Variants in LEPROTL1 observed in about 807,000 individuals in gnomAD.
LEPROTL1 encodes leptin receptor overlapping transcript-like 1.
Under a neutral mutation model 15.4 loss-of-function variants are expected in LEPROTL1, and 6 were observed. That is an observed-to-expected ratio of 0.39 (90% confidence interval 0.21 to 0.77). LEPROTL1 has a LOEUF of 0.77. Among genes scored for constraint, LEPROTL1 ranks in the 30% least tolerant of loss-of-function variants. LEPROTL1 has a pLI of 0.41. For missense variants in LEPROTL1, 128 were observed against 158.1 expected, an observed-to-expected ratio of 0.81 and a Z score of 1.02; for synonymous variants, 56 against 52.6, an observed-to-expected ratio of 1.06 and a Z score of -0.28.
chr8:30,131,296 A>ATGTG (rs1554485368), intron 3 of LEPROTL1, among the ~76,000 whole-genome samples: 35,996 of 123,454 alleles, frequency 0.29, 5,213 homozygotes, highest in East Asian at 0.52. Flanking sequence ...ATATATATAT[A>ATGTG]TGTGTGTGTG....
rs1689130844 is a variant in LEPROTL1 at position 30,104,389 on chromosome 8, C to G, written c.182C>G (p.Ala61Gly). 2 of 1,612,318 alleles carry G rather than the reference C, an allele frequency of 1.2e-6. No individual in the cohort carries two copies. Among genetic ancestry groups the G allele is most frequent in the African/African-American group, 1.3e-5 (1 of 74,884 alleles). ...AGAAGATTAGTGGATGATACAGATG[C>G]TATGAGTAACGCTTGTAAGGAACTT... ...IARRLVDDTD[A>G]MSNACKELAI... The change falls in exon 3 of 4, where the codon GCT becomes GGT. Residue 61 changes from alanine (A) to glycine (G), a missense_variant. Coordinates refer to ENST00000321250, the MANE Select transcript of LEPROTL1 (RefSeq NM_015344.3).
intron 3 of LEPROTL1, among the ~76,000 whole-genome samples, chr8:30,130,931 C>G (rs1055957866): frequency 2.0e-5 from 3 of 151,804 alleles, no homozygotes; most frequent in Non-Finnish European, 4.4e-5. Context: ...AGGCGCCCAC[C>G]ACCACGCCCG....
At position 30,107,954 on chromosome 8, in the gene LEPROTL1, G is replaced by A. The variant is rs148233838; in HGVS notation, c.*2092G>A. ...GACATAGTGCTGTCTCTGATTTCTA[G>A]GCTAGTTACTTGAGATATGAATTTT... On this transcript the variant is annotated 3_prime_UTR_variant, in exon 4 of 4. Coordinates refer to ENST00000321250, the MANE Select transcript of LEPROTL1 (RefSeq NM_015344.3). The A allele has an allele frequency of 7.1e-6, 7 of 984,898 alleles. No individual in the cohort carries two copies. The highest frequency in any genetic ancestry group is 8.4e-6 in the Non-Finnish European group (7 of 829,502). The allele number at this position is 984,898 out of a possible 1,614,324, so 61.0% of individuals were successfully genotyped here.
At chr8:30,132,762 C>G (rs150467698) in intron 4 of LEPROTL1, 5 of 1,551,630 alleles carry the variant, frequency 3.2e-6, no homozygotes, top group African/African-American at 1.4e-5. Context: ...TGAAATAGGG[C>G]AGTGCCTTAC....
At chr8:30,120,660 AG>A in intron 3 of LEPROTL1, among the ~76,000 whole-genome samples, 1 of 152,034 alleles carries the variant, frequency 6.6e-6, no homozygotes, top group African/African-American at 2.4e-5. Context: ...CCTCCCATGT[AG>A]CTGGGACTAC....
downstream of LEPROTL1, among the ~76,000 whole-genome samples, chr8:30,112,708 G>C (rs1263387925): frequency 6.6e-6 from 1 of 151,696 alleles, no homozygotes; most frequent in Non-Finnish European, 1.5e-5. Context: ...TATTTAACCC[G>C]TGTCCCATTT....
downstream of LEPROTL1, among the ~76,000 whole-genome samples, chr8:30,112,401 ATTTTTTTTT>A (rs10684450): frequency 2.5e-4 from 7 of 27,890 alleles, 1 homozygote; most frequent in Non-Finnish European, 4.1e-4. Context: ...TGCCCAGCTA[ATTTTTTTTT>A]TTTTTTTTTT....
chr8:30,095,818 G>A (rs183358734), intron 1 of LEPROTL1: 2 of 701,592 alleles, frequency 2.9e-6, no homozygotes, highest in Admixed American at 4.0e-5. Context: ...AGTGGTTGGC[G>A]GTCAGTGAGG....
At position 30,107,321 on chromosome 8, in the gene LEPROTL1, G is replaced by A. The variant is rs1485219691; in HGVS notation, c.*1459G>A. On this transcript the variant is annotated 3_prime_UTR_variant, in exon 4 of 4. Coordinates refer to ENST00000321250, the MANE Select transcript of LEPROTL1 (RefSeq NM_015344.3). ...CTAATAATTATCAGGACTTTTTTCAGGAGTGGGTTATAAAAACATTCAAGT... is the reference window on the plus strand; with the variant it reads ...CTAATAATTATCAGGACTTTTTTCAAGAGTGGGTTATAAAAACATTCAAGT... The A allele has an allele frequency of 1.0e-6, 1 of 985,564 alleles. No individual in the cohort carries two copies. The highest frequency in any genetic ancestry group is 1.2e-6 in the Non-Finnish European group (1 of 829,840). 61.1% of individuals were successfully genotyped at this position (985,564 alleles called of 1,614,324 possible).
chr8:30,129,702 G>A (rs1483209679), intron 3 of LEPROTL1, among the ~76,000 whole-genome samples: 1 of 144,628 alleles, frequency 6.9e-6, no homozygotes, highest in Non-Finnish European at 1.5e-5. Flanking sequence ...GTGACAGAGT[G>A]AGACCCTGTC....
In LEPROTL1 at chr8:30,095,458, T is replaced by C; in HGVS notation, c.-55T>C. 1 of 1,461,324 alleles carries C rather than the reference T, an allele frequency of 6.8e-7. No homozygotes were observed. Among genetic ancestry groups the C allele is most frequent in the Non-Finnish European group, 9.0e-7 (1 of 1,110,392 alleles). 90.5% of individuals were successfully genotyped at this position (1,461,324 alleles called of 1,614,324 possible). Reference sequence around the variant, plus strand: ...CGTAGCGCGTCTTGGGTCTCCCGGCTGCCGCTGCTGCCGCCGCCGCCTCGG... The same window carrying C: ...CGTAGCGCGTCTTGGGTCTCCCGGCCGCCGCTGCTGCCGCCGCCGCCTCGG... On this transcript the variant is annotated 5_prime_UTR_variant, in exon 1 of 4. Transcript: ENST00000321250.
chr8:30,100,849 C>CTGTGTGTGTG (rs113757454), intron 1 of LEPROTL1, among the ~76,000 whole-genome samples: 9 of 150,852 alleles, frequency 6.0e-5, no homozygotes, highest in Admixed American at 3.3e-4. Flanking sequence ...AAATGTACTG[C>CTGTGTGTGTG]TGTGTGTGTG....
intron 3 of LEPROTL1, among the ~76,000 whole-genome samples, chr8:30,129,664 C>T (rs929696783): frequency 6.6e-6 from 1 of 150,750 alleles, no homozygotes. Flanking sequence ...GAGATCACAC[C>T]ACTGCACACC....
chr8:30,128,821 C>T (rs918493126), intron 3 of LEPROTL1, among the ~76,000 whole-genome samples: 5 of 150,378 alleles, frequency 3.3e-5, no homozygotes, highest in South Asian at 2.1e-4. Flanking sequence ...GTGTACCTCT[C>T]GAAGGATTTT....
At chr8:30,135,958 C>T (rs1380591004) in intron 4 of LEPROTL1, among the ~76,000 whole-genome samples, 1 of 150,092 alleles carries the variant, frequency 6.7e-6, no homozygotes, top group East Asian at 1.9e-4. Context: ...ACACACTCTA[C>T]AGTCAGAAAT....
intron 4 of LEPROTL1, chr8:30,132,580 C>G: frequency 6.4e-7 from 1 of 1,551,762 alleles, no homozygotes; most frequent in Non-Finnish European, 8.7e-7. Context: ...ATCCACCACC[C>G]TGCTCACTGC....
rs879505388 is a variant in LEPROTL1 at position 30,132,974 on chromosome 8, G to T, written c.394+485G>T. On this transcript the variant is annotated intron_variant, in intron 4 of 4. Transcript: ENST00000442880. ...TATTCTCTCTCTCTTATTCCAGTCT[G>T]TCATACATGATCTCGCAGGAAATAG... 1.2e-5 allele frequency: 17 copies of T among 1,430,114 alleles called. No individual in the cohort carries two copies. The Admixed American group carries it at 4.7e-4, about 40-fold the overall frequency. 88.6% of individuals were successfully genotyped at this position (1,430,114 alleles called of 1,614,324 possible).
intron 3 of LEPROTL1, among the ~76,000 whole-genome samples, chr8:30,126,747 G>A (rs1415240986): frequency 6.6e-6 from 1 of 152,164 alleles, no homozygotes; most frequent in Non-Finnish European, 1.5e-5. Context: ...GCTGCACTAT[G>A]AGGGTAGTAT....
intron 3 of LEPROTL1, among the ~76,000 whole-genome samples, chr8:30,113,946 G>A (rs1802694355): frequency 6.6e-6 from 1 of 152,188 alleles, no homozygotes; most frequent in South Asian, 2.1e-4. Flanking sequence ...GGCCTAGGGA[G>A]ACCCTAGCAA....
Sources: allele counts gnomAD v4.1 joint callset (sites outside exome capture counted in the v4.1 genomes callset), GRCh38; gene constraint gnomAD v4.1.1; transcripts MANE v1.5; gene names NCBI Gene and HGNC (gene_info 2026-07-23, HGNC 2026-07-21).